The following IGSF9 variants were observed in gnomAD, a reference collection of about 807,000 sequenced individuals.
IGSF9 encodes protein turtle homolog A.
IGSF9 carries 87 observed loss-of-function variants against 121.7 expected under a neutral mutation model. The ratio of observed to expected loss-of-function variants is 0.71; its 90% CI spans 0.60 to 0.85. The LOEUF is 0.85. IGSF9 is among the 40% of genes least tolerant of loss of function. IGSF9 has a pLI of 0.00. For synonymous variants in IGSF9, 640 were observed against 648.4 expected (o/e 0.99, Z 0.20); for missense variants, 1,462 against 1,565.3 (o/e 0.93, Z 1.11).
Position 159,943,111 on chromosome 1 carries a change from A to G in IGSF9, c.99T>C (p.Ala33=). The G allele has an allele frequency of 6.2e-7, 1 of 1,601,902 alleles. No individual in the cohort carries two copies. The highest frequency in any genetic ancestry group is 8.5e-7 in the Non-Finnish European group (1 of 1,176,276). ...CACAGCCCAGCACCACACTCTCCCC[A>G]GCCCGGCCCACCACCGATACCACCT... is the stretch of plus-strand genomic sequence containing the variant. ...KPEVVSVVGR[A]GESVVLGCDL... Residue 33 remains alanine, a synonymous_variant, in exon 3 of 21, where the codon GCT becomes GCC. Coordinates refer to ENST00000368094, the MANE Select transcript of IGSF9 (RefSeq NM_001135050.2).
Position 159,943,072 on chromosome 1 carries a change from C to CG in IGSF9, c.137dup (p.Ala47GlyfsTer32). The CG allele has an allele frequency of 6.2e-6, 10 of 1,612,540 alleles. No homozygotes were observed. Among genetic ancestry groups the CG allele is most frequent in the South Asian group, 1.1e-5 (1 of 90,846 alleles). On this transcript the variant is annotated frameshift_variant, in exon 3 of 21. Coordinates refer to ENST00000368094, the MANE Select transcript of IGSF9 (RefSeq NM_001135050.2). LOFTEE classifies it high-confidence loss of function. ...TGACATGCAGGGGGGGCCGGCCGGC[C>CG]GGGGGCAGCAGGTCACAGCCCAGCA...
At chr1:159,937,222 T>C (rs1005372877) in intron 4 of IGSF9, among the ~76,000 whole-genome samples, 1 of 152,200 alleles carries the variant, frequency 6.6e-6, no homozygotes, top group Non-Finnish European at 1.5e-5. Flanking sequence ...GCTCTGCCAC[T>C]AATCAGTGGC....
chr1:159,931,706 G>A lies in IGSF9; in HGVS notation c.1363-103C>T. On this transcript the variant is annotated intron_variant, in intron 11 of 20. Coordinates refer to ENST00000368094, the MANE Select transcript of IGSF9 (RefSeq NM_001135050.2). This position sits in a 1 kb window ranked among gnomAD's most constrained non-coding sequence, Gnocchi z 4.8. ...TCCAGTTCCTCCCCACCCTGCCTCT[G>A]ACAGCCTTCTCCTTCCCACACCCTC... The A allele has an allele frequency of 1.3e-6, 2 of 1,508,190 alleles. No individual in the cohort carries two copies. Among genetic ancestry groups the A allele is most frequent in the Non-Finnish European group, 1.8e-6 (2 of 1,106,844 alleles). 93.4% of individuals were successfully genotyped at this position (1,508,190 alleles called of 1,614,324 possible). A position where few individuals can be genotyped will look rare whatever the true frequency, so the allele number is the denominator to read the frequency against.
At position 159,930,794 on chromosome 1, in the gene IGSF9, C is replaced by T. The variant is rs769663540; in HGVS notation, c.1711G>A (p.Val571Met). Reference sequence around the variant, plus strand: ...TGGGTGTGGGGCTGCAGCCCTGGCACTAGGAGGTGAGCAGCCCCCACAGGC... The same window carrying T: ...TGGGTGTGGGGCTGCAGCCCTGGCATTAGGAGGTGAGCAGCCCCCACAGGC... ...AVPVGAAHLLVPGLQPHTQYQ... is the reference protein window; with the variant it reads ...AVPVGAAHLLMPGLQPHTQYQ... Residue 571 changes from valine to methionine, a missense_variant, in exon 14 of 21, where the codon GTG becomes ATG. By Grantham distance (21) the Val-to-Met change is conservative. Transcript: ENST00000368094. 1 of 1,614,090 alleles carries T rather than the reference C, an allele frequency of 6.2e-7. No homozygotes were observed. Among genetic ancestry groups the T allele is most frequent in the South Asian group, 1.1e-5 (1 of 91,082 alleles).
chr1:159,930,348 T>C lies in IGSF9; in HGVS notation c.1905A>G (p.Thr635=), dbSNP rs763683297. 4 of 1,605,910 alleles carry C rather than the reference T, an allele frequency of 2.5e-6. No homozygotes were observed. The highest frequency in any genetic ancestry group is 3.4e-6 in the Non-Finnish European group (4 of 1,175,212). ...CCCAATGCAGGAGTACCCCCCGGGGTGTCCTCACTGCCACCAGACCCCGCG... is the reference window on the plus strand; with the variant it reads ...CCCAATGCAGGAGTACCCCCCGGGGCGTCCTCACTGCCACCAGACCCCGCG... The part of the protein sequence containing the change: ...SPPRGLVAVR[T]PRGVLLHWDP... The change falls in exon 15 of 21, where the codon ACA becomes ACG. Residue 635 remains threonine, a synonymous_variant. Transcript: ENST00000368094.
chr1:159,935,881 A>G (rs1040060218), intron 6 of IGSF9, among the ~76,000 whole-genome samples: 2 of 152,206 alleles, frequency 1.3e-5, no homozygotes, highest in Non-Finnish European at 2.9e-5. Context: ...CCTTTCTTAC[A>G]GTACCACGGA....
intron 3 of IGSF9, among the ~76,000 whole-genome samples, chr1:159,939,196 C>T (rs964133208): frequency 4.3e-4 from 66 of 152,162 alleles, no homozygotes; most frequent in Non-Finnish European, 6.9e-4. Context: ...TCACATTGCT[C>T]ATCCCCACCT....
intron 3 of IGSF9, among the ~76,000 whole-genome samples, chr1:159,939,893 A>G (rs1571220415): frequency 1.3e-5 from 2 of 152,014 alleles, no homozygotes; most frequent in Non-Finnish European, 2.9e-5. Flanking sequence ...ATACCCTTCC[A>G]CCCACTGTCA....
In IGSF9 at chr1:159,930,505, C is replaced by G; in HGVS notation, c.1814-66G>C. 3 of 1,517,720 alleles carry G rather than the reference C, an allele frequency of 2.0e-6. No individual in the cohort carries two copies. The South Asian group carries it at 4.0e-5, about 20-fold the overall frequency. 94.0% of individuals were successfully genotyped at this position (1,517,720 alleles called of 1,614,324 possible). ...GCGCCCCTCCCCTGGCCTTCCACAA[C>G]TCCCAGTGCCCAACTCTTCTCCCAG... is the stretch of plus-strand genomic sequence containing the variant. On this transcript the variant is annotated intron_variant, in intron 14 of 20. Transcript: ENST00000368094.
At position 159,929,700 on chromosome 1, in the gene IGSF9, AGGATGCTC is replaced by A. The variant is rs1232166600; in HGVS notation, c.2256_2263del (p.Ser753GlyfsTer44). ...GCGCCGGTTCAGGAGGCAGCCGGCC[AGGATGCTC>A]ACAAGGACGGCCACTCCCAGAAAGC... On this transcript the variant is annotated frameshift_variant, in exon 17 of 21. Coordinates refer to ENST00000368094, the MANE Select transcript of IGSF9 (RefSeq NM_001135050.2). LOFTEE classifies it high-confidence loss of function. 1 of 1,599,326 alleles carries A rather than the reference AGGATGCTC, an allele frequency of 6.3e-7. No homozygotes were observed. Among genetic ancestry groups the A allele is most frequent in the African/African-American group, 1.3e-5 (1 of 74,926 alleles).
In IGSF9 at chr1:159,931,363, G is replaced by T; in HGVS notation, c.1513+90C>A. ...GACCTTCACCCATCATCATCCCAGG[G>T]GTCCCACACCCATGATCCTCTTTCT... is the stretch of plus-strand genomic sequence containing the variant. On this transcript the variant is annotated intron_variant, in intron 12 of 20. Transcript: ENST00000368094. The surrounding 1 kb of genome is among the most constrained non-coding windows in gnomAD (Gnocchi z 4.8). 6.3e-7 allele frequency: 1 copy of T among 1,597,574 alleles called. No individual in the cohort carries two copies. Among genetic ancestry groups the T allele is most frequent in the Non-Finnish European group, 8.5e-7 (1 of 1,169,602 alleles).
intron 3 of IGSF9, among the ~76,000 whole-genome samples, chr1:159,938,620 T>G (rs1651279635): frequency 6.6e-6 from 1 of 152,158 alleles, no homozygotes; most frequent in African/African-American, 2.4e-5. Context: ...CCAGACAGCT[T>G]CATGGGTCCC....
At position 159,927,168 on chromosome 1, in the gene IGSF9, C is replaced by G; in HGVS notation, c.*177G>C. The stretch of plus-strand genomic sequence containing the variant: ...ATCCCTGTTCCAATCCCCAGACTCA[C>G]CTAGGGGGTCAGCACATACATTCCA... On this transcript the variant is annotated 3_prime_UTR_variant, in exon 21 of 21. Coordinates refer to ENST00000368094, the MANE Select transcript of IGSF9 (RefSeq NM_001135050.2). The G allele has an allele frequency of 7.3e-6, 5 of 680,374 alleles. No homozygotes were observed. The highest frequency in any genetic ancestry group is 1.0e-5 in the Non-Finnish European group (4 of 390,636). The allele number at this position is 680,374 out of a possible 1,614,324, so 42.1% of individuals were successfully genotyped here.
chr1:159,932,606 A>G lies in IGSF9; in HGVS notation c.1151T>C (p.Leu384Pro). Residue 384 changes from leucine to proline, a missense_variant, in exon 10 of 21, where the codon CTG (leucine) becomes CCG (proline). By Grantham distance (98) the Leu-to-Pro change is moderately conservative (BLOSUM62 -3). This residue lies in a region of IGSF9 where 558 missense variants were observed against 599.4 expected (regional missense o/e 0.93). Transcript: ENST00000368094. This position sits in a 1 kb window ranked among gnomAD's most constrained non-coding sequence, Gnocchi z 4.1. ...TTCTCCCAGGGCATCCTCGTTCCCCAGGGCGATGATCAGTGAGCCTTCTGT... is the reference window on the plus strand; with the variant it reads ...TTCTCCCAGGGCATCCTCGTTCCCCGGGGCGATGATCAGTGAGCCTTCTGT... ...QGTEGSLIIALGNEDALGEYS... is the reference protein window; with the variant it reads ...QGTEGSLIIAPGNEDALGEYS... The G allele has an allele frequency of 6.2e-7, 1 of 1,613,936 alleles. No homozygotes were observed. The highest frequency in any genetic ancestry group is 8.5e-7 in the Non-Finnish European group (1 of 1,179,894).
intron 3 of IGSF9, 147 bp from the exon 4 acceptor site, chr1:159,937,985 G>T: frequency 1.2e-6 from 1 of 859,600 alleles, no homozygotes. Flanking sequence ...CGCAGATGAG[G>T]TTGGGGTCAT....
In IGSF9 at chr1:159,932,412, A is replaced by G. The variant is rs1158650526; in HGVS notation, c.1245+100T>C. ...GAAACAAACTTGGAAACCCCTCCCC[A>G]TGTGTCTGCCCCACCCCACCCCCAT... On this transcript the variant is annotated intron_variant, in intron 10 of 20. Transcript: ENST00000368094. The surrounding 1 kb of genome is among the most constrained non-coding windows in gnomAD (Gnocchi z 4.1). 3 of 613,580 alleles carry G rather than the reference A, an allele frequency of 4.9e-6. No homozygotes were observed. The highest frequency in any genetic ancestry group is 8.1e-6 in the Non-Finnish European group (3 of 369,868). The allele number at this position is 613,580 out of a possible 1,614,324, so 38.0% of individuals were successfully genotyped here. A position where few individuals can be genotyped will look rare whatever the true frequency, so the allele number is the denominator to read the frequency against.
chr1:159,931,033 G>A lies in IGSF9; in HGVS notation c.1637+105C>T, dbSNP rs1650977452. On this transcript the variant is annotated intron_variant, in intron 13 of 20. Transcript: ENST00000368094. The surrounding 1 kb of genome is among the most constrained non-coding windows in gnomAD (Gnocchi z 4.8). Reference sequence around the variant, plus strand: ...ACAGGGAAGCAGAGCCAGGACTGGTGAGGGATAGAGGGACAGAAGAAAGGG... The same window carrying A: ...ACAGGGAAGCAGAGCCAGGACTGGTAAGGGATAGAGGGACAGAAGAAAGGG... 2 of 1,528,826 alleles carry A rather than the reference G, an allele frequency of 1.3e-6. No individual in the cohort carries two copies. The highest frequency in any genetic ancestry group is 1.8e-5 in the Admixed American group (1 of 54,100). 94.7% of individuals were successfully genotyped at this position (1,528,826 alleles called of 1,614,324 possible).
At chr1:159,929,517 T>C (rs1650893406) in intron 17 of IGSF9, 121 bp downstream of exon 17, 2 of 1,487,408 alleles carry the variant, frequency 1.3e-6, no homozygotes, top group Non-Finnish European at 1.8e-6. Flanking sequence ...CAGGACCAGA[T>C]GCAGGACTAA....
At chr1:159,929,454 C>T in intron 17 of IGSF9, 61 bp from the exon 18 acceptor site, 1 of 1,587,976 alleles carries the variant, frequency 6.3e-7, no homozygotes, top group South Asian at 1.1e-5. Flanking sequence ...TAGGCGGAGA[C>T]TCTCTCACCC....
Sources: gnomAD v4.1 joint callset for allele counts (sites outside exome capture counted in the v4.1 genomes callset) on GRCh38, gnomAD v4.1.1 for gene constraint, gnomAD v4.1.1 regional missense constraint, Gnocchi (gnomAD v3.1) non-coding constraint, MANE v1.5 for transcripts, NCBI Gene and HGNC (gene_info 2026-07-23, HGNC 2026-07-21) for gene names.